Variants in KLRC3 observed in about 807,000 individuals in gnomAD.
KLRC3 encodes the protein killer cell lectin like receptor C3, also known as NKG2-E type II integral membrane protein.
KLRC3 carries 16 observed loss-of-function variants against 23.6 expected under a neutral mutation model. The ratio of observed to expected loss-of-function variants is 0.68; its 90% CI spans 0.46 to 1.03. KLRC3 has a LOEUF of 1.03. Ranked by LOEUF, KLRC3 falls within the 50% of genes least tolerant of loss-of-function variation. KLRC3 has a pLI of 0.00. For missense variants in KLRC3, 209 were observed against 232.2 expected, an observed-to-expected ratio of 0.90 and a Z score of 0.65; for synonymous variants, 70 against 71.8, an observed-to-expected ratio of 0.98 and a Z score of 0.13.
At chr12:10,420,294 T>C in intron 1 of KLRC3, 70 bp downstream of exon 1, 1 of 1,482,308 alleles carries the variant, frequency 6.7e-7, no homozygotes, top group Non-Finnish European at 9.2e-7. Context: ...TTCCCTAATC[T>C]TTCCTCACCC....
At chr12:10,420,221 T>C in intron 1 of KLRC3, 143 bp downstream of exon 1, 2 of 1,014,970 alleles carry the variant, frequency 2.0e-6, no homozygotes, top group Non-Finnish European at 2.9e-6. Flanking sequence ...AAATTAGTCT[T>C]CTGATTTCAT....
chr12:10,419,833 C>T (rs1009279257), intron 2 of KLRC3, 33 bp downstream of exon 2: 6 of 482,158 alleles, frequency 1.2e-5, no homozygotes, highest in East Asian at 7.9e-5. Flanking sequence ...TAAAGTAAAA[C>T]GTTCCCTTCT....
chr12:10,413,064 G>A (rs1198019802), intron 6 of KLRC3, among the ~76,000 whole-genome samples: 1 of 151,970 alleles, frequency 6.6e-6, no homozygotes, highest in Non-Finnish European at 1.5e-5. Context: ...GGAGACAGTT[G>A]AAATGTAGCT....
intron 6 of KLRC3, among the ~76,000 whole-genome samples, chr12:10,413,943 G>A (rs1863607002): frequency 6.6e-6 from 1 of 152,066 alleles, no homozygotes; most frequent in South Asian, 2.1e-4. Flanking sequence ...CCATGTCCCT[G>A]CAGAGGACAT....
Position 10,412,326 on chromosome 12 carries a change from GATTT to G in KLRC3, c.*242_*245del. On this transcript the variant is annotated 3_prime_UTR_variant, in exon 7 of 7. Transcript: ENST00000396439. ...AAAACCACTCATTATATTGTTCATT[GATTT>G]ATTTTCCAATCATAACGGTCTGCAT... 3.7e-6 allele frequency: 2 copies of G among 536,814 alleles called. No homozygotes were observed. Among genetic ancestry groups the G allele is most frequent in the East Asian group, 6.8e-5 (2 of 29,496 alleles). 33.3% of individuals were successfully genotyped at this position (536,814 alleles called of 1,614,324 possible).
intron 4 of KLRC3, among the ~76,000 whole-genome samples, chr12:10,417,412 G>A (rs1183484106): frequency 3.3e-5 from 5 of 152,046 alleles, no homozygotes; most frequent in Admixed American, 6.6e-5. Flanking sequence ...GTGTCCGAGT[G>A]AGCATGTTAA....
chr12:10,417,719 C>G (rs1481638022), intron 4 of KLRC3, among the ~76,000 whole-genome samples: 1 of 152,176 alleles, frequency 6.6e-6, no homozygotes, highest in East Asian at 1.9e-4. Context: ...GACTCACTTC[C>G]CCATCTAGAG....
intron 4 of KLRC3, 30 bp downstream of exon 4, chr12:10,418,314 C>T: frequency 6.4e-7 from 1 of 1,551,212 alleles, no homozygotes; most frequent in Non-Finnish European, 8.9e-7. Context: ...AGAAGCTTTT[C>T]ATAAAATGTT....
chr12:10,418,218 C>T (rs35847740), intron 4 of KLRC3, 126 bp downstream of exon 4: 2 of 924,810 alleles, frequency 2.2e-6, no homozygotes, highest in South Asian at 1.9e-5. Flanking sequence ...AGTCAATCAA[C>T]TGAATAATGC....
chr12:10,416,693 T>C lies in KLRC3; in HGVS notation c.561A>G (p.Thr187=). 1.9e-6 allele frequency: 3 copies of C among 1,611,142 alleles called. No individual in the cohort carries two copies. The highest frequency in any genetic ancestry group is 2.5e-6 in the Non-Finnish European group (3 of 1,178,450). The change falls in exon 5 of 7, where the codon ACA becomes ACG. Residue 187 remains threonine, a synonymous_variant. Coordinates refer to ENST00000396439, the MANE Select transcript of KLRC3 (RefSeq NM_002261.3). The part of the protein sequence containing the change: ...FRNSSHHPWV[T]INGLAFKHEI... ...CATGTTTGAAAGCCAAACCATTTAT[T>C]GTCACCCATGGATGATGACTGCTGT... is the stretch of plus-strand genomic sequence containing the variant.
intron 6 of KLRC3, among the ~76,000 whole-genome samples, chr12:10,413,218 A>G (rs1045583186): frequency 6.6e-6 from 1 of 152,232 alleles, no homozygotes; most frequent in Non-Finnish European, 1.5e-5. Context: ...ACAGAAGTCA[A>G]TAAACAAAAA....
intron 4 of KLRC3, among the ~76,000 whole-genome samples, chr12:10,417,032 C>T (rs1044647875): frequency 1.3e-5 from 2 of 151,960 alleles, no homozygotes; most frequent in Non-Finnish European, 2.9e-5. Flanking sequence ...TTTCCTGATA[C>T]TGTGCATTCA....
intron 4 of KLRC3, 102 bp from the exon 5 acceptor site, chr12:10,416,869 T>G (rs964894945): frequency 9.9e-7 from 1 of 1,011,274 alleles, no homozygotes; most frequent in Admixed American, 2.9e-5. Context: ...CCAAAAACTT[T>G]CATAAATGTT....
At position 10,419,902 on chromosome 12, in the gene KLRC3, T is replaced by A; in HGVS notation, c.250A>T (p.Met84Leu). The change falls in exon 2 of 7, where the codon ATG becomes TTG. Residue 84 changes from methionine (M) to leucine (L), a missense_variant. Met to Leu is a conservative substitution (Grantham distance 15). Around this residue, in one of 4 missense-constraint regions of KLRC3, gnomAD observed 109 missense variants for 113.2 expected, o/e 0.96. Transcript: ENST00000396439. ...EVLGIICIVLMATVLKTIVLI... is the reference protein window; with the variant it reads ...EVLGIICIVLLATVLKTIVLI... ...ACTATTGTTTTTAACACAGTGGCCA[T>A]CAGGACAATGCAAATGATTCCTAGG... 1.7e-6 allele frequency: 1 copy of A among 591,192 alleles called. No homozygotes were observed. Among genetic ancestry groups the A allele is most frequent in the Non-Finnish European group, 2.8e-6 (1 of 352,304 alleles). 36.6% of individuals were successfully genotyped at this position (591,192 alleles called of 1,614,324 possible).
intron 3 of KLRC3, 126 bp from the exon 4 acceptor site, chr12:10,418,624 A>G: frequency 8.6e-7 from 1 of 1,157,894 alleles, no homozygotes; most frequent in South Asian, 1.6e-5. Flanking sequence ...CAGGCTTATA[A>G]GTATATATTT....
At chr12:10,414,963 A>C (rs545742841) in intron 6 of KLRC3, among the ~76,000 whole-genome samples, 6 of 152,146 alleles carry the variant, frequency 3.9e-5, no homozygotes, top group Non-Finnish European at 7.4e-5. Flanking sequence ...AAAAGCATGA[A>C]TGTAAAATAT....
chr12:10,415,714 G>A lies in KLRC3; in HGVS notation c.668C>T (p.Ser223Leu), dbSNP rs752393640. 6.2e-7 allele frequency: 1 copy of A among 1,612,616 alleles called. No individual in the cohort carries two copies. Among genetic ancestry groups the A allele is most frequent in the South Asian group, 1.1e-5 (1 of 90,852 alleles). ...RGLISDQCGS[S>L]RIIRRGFIML... ...AAAGCTTATGCTCACAATGATTCTT[G>A]AAGATCCACACTGGTCTGATATAAG... is the stretch of plus-strand genomic sequence containing the variant. The change falls in exon 6 of 7, where the codon TCA becomes TTA. Residue 223 changes from serine to leucine, a missense_variant. By Grantham distance (145) the Ser-to-Leu change is moderately radical (BLOSUM62 -2). Transcript: ENST00000396439.
chr12:10,412,720 G>A lies in KLRC3; in HGVS notation c.679-104C>T, dbSNP rs539836641. The A allele has an allele frequency of 3.9e-4, 247 of 636,420 alleles. 1 individual carries two copies. The highest frequency in any genetic ancestry group is 2.0e-3 in the Middle Eastern group (5 of 2,544). 39.4% of individuals were successfully genotyped at this position (636,420 alleles called of 1,614,324 possible). ...TCGCTTGAGCCTTGGAGGTGAGGTC[G>A]AGGCTGCAGTGAGCCGAGATGAAAT... On this transcript the variant is annotated intron_variant, in intron 6 of 6. Coordinates refer to ENST00000396439, the MANE Select transcript of KLRC3 (RefSeq NM_002261.3).
chr12:10,415,988 A>T (rs1039658589), intron 5 of KLRC3, among the ~76,000 whole-genome samples, 194 bp from the exon 6 acceptor site: 4 of 152,160 alleles, frequency 2.6e-5, no homozygotes, highest in African/African-American at 9.7e-5. Flanking sequence ...GATATGTTTC[A>T]AGACCCCACT....
Sources: gnomAD v4.1 joint callset for allele counts (sites outside exome capture counted in the v4.1 genomes callset) on GRCh38, gnomAD v4.1.1 for gene constraint, gnomAD v4.1.1 regional missense constraint, MANE v1.5 for transcripts, NCBI Gene and HGNC (gene_info 2026-07-23, HGNC 2026-07-21) for gene names.